Variants in FGF14 observed in about 807,000 individuals in gnomAD.
The protein encoded by FGF14 is fibroblast growth factor 14.
FGF14 carries 5 observed loss-of-function variants against 25.5 expected under a neutral mutation model. The observed-to-expected ratio is 0.20, with a 90% confidence interval of 0.10 to 0.41. FGF14 has a LOEUF of 0.41. Ranked by LOEUF, FGF14 falls within the 10% of genes least tolerant of loss-of-function variation. FGF14 has a pLI of 1.00. For missense variants in FGF14, 222 were observed against 320.1 expected (o/e 0.69, Z 2.34); for synonymous variants, 138 against 118.3 (o/e 1.17, Z -1.08).
rs535208983 is a variant in FGF14 at position 101,718,804 on chromosome 13, T to C, written c.*4027A>G. On this transcript the variant is annotated 3_prime_UTR_variant, in exon 5 of 5. Transcript: ENST00000376143. ...AGGAAAAAAAAAAAAAACTAAAATA[T>C]AACTCAGCCTTAGTTTGCAGACTCA... 1.5e-3 allele frequency: 232 copies of C among 151,358 alleles called. 1 individual carries two copies. Among genetic ancestry groups the C allele is most frequent in the African/African-American group, 5.5e-3 (226 of 41,222 alleles). The allele number at this position is 151,358 out of a possible 1,614,324, so 9.4% of individuals were successfully genotyped here. A position where few individuals can be genotyped will look rare whatever the true frequency, so the allele number is the denominator to read the frequency against.
rs539528356 is a variant in FGF14 at position 102,160,748 on chromosome 13, C to T, written c.208+240723G>A. 4.6e-3 allele frequency among the ~76,000 whole-genome samples: 702 copies of T among 152,040 alleles called. 4 individuals are homozygous for T. The highest frequency in any genetic ancestry group is 8.5e-3 in the Non-Finnish European group (581 of 67,986). ...CCTAGAATAGGATAAAGGAGAATTC[C>T]AGAGATAGTAGGGCTTGGAGAAGAA... On this transcript the variant is annotated intron_variant, in intron 1 of 4. Coordinates refer to the FGF14 transcript ENST00000376131.
intron 1 of FGF14, among the ~76,000 whole-genome samples, chr13:102,391,135 G>A (rs952222364): frequency 1.3e-5 from 2 of 152,186 alleles, no homozygotes; most frequent in Non-Finnish European, 2.9e-5. Context: ...TGAAGAGTAA[G>A]TTGATGACAA....
At chr13:101,911,946 T>C (rs937770900) in intron 1 of FGF14, among the ~76,000 whole-genome samples, 2 of 151,714 alleles carry the variant, frequency 1.3e-5, no homozygotes, top group African/African-American at 4.8e-5. Flanking sequence ...CAAACAAGCA[T>C]GTGGTCTTTG....
At chr13:102,288,015 C>T (rs569583825) in intron 1 of FGF14, among the ~76,000 whole-genome samples, 21 of 152,308 alleles carry the variant, frequency 1.4e-4, no homozygotes, top group African/African-American at 4.1e-4. Context: ...GCATTTGCAT[C>T]AGAGAATAAA....
chr13:101,804,785 T>C (rs763296020), intron 3 of FGF14, among the ~76,000 whole-genome samples: 8 of 152,162 alleles, frequency 5.3e-5, no homozygotes, highest in Non-Finnish European at 1.2e-4. Flanking sequence ...AGATTATCTT[T>C]TGTTTTACTT....
chr13:101,886,485 T>C (rs1019248849), intron 1 of FGF14, among the ~76,000 whole-genome samples: 1 of 152,102 alleles, frequency 6.6e-6, no homozygotes, highest in Non-Finnish European at 1.5e-5. Flanking sequence ...GAAGACTGGA[T>C]ATCCATATGC....
chr13:101,731,309 G>A (rs982673909), intron 3 of FGF14, among the ~76,000 whole-genome samples: 7 of 152,040 alleles, frequency 4.6e-5, no homozygotes, highest in African/African-American at 1.4e-4. Context: ...AAACGAGATC[G>A]ATAAGGAGTT....
At chr13:101,724,927 GTGAAATACCAAGTA>G (rs2035307845) in intron 4 of FGF14, among the ~76,000 whole-genome samples, 1 of 151,608 alleles carries the variant, frequency 6.6e-6, no homozygotes, top group Non-Finnish European at 1.5e-5. Flanking sequence ...AAATACATGA[GTGAAATACCAAGTA>G]TCATTCTATA....
At chr13:102,025,016 CAT>C (rs144976455) in intron 1 of FGF14, among the ~76,000 whole-genome samples, 8,638 of 150,388 alleles carry the variant, frequency 0.057, 782 homozygotes, top group African/African-American at 0.2. Context: ...CACAGACATG[CAT>C]ATATATATAT....
chr13:102,008,413 C>G (rs1368503598), intron 1 of FGF14, among the ~76,000 whole-genome samples: 1 of 152,202 alleles, frequency 6.6e-6, no homozygotes, highest in East Asian at 1.9e-4. Context: ...CTCAACAGTG[C>G]TATTCTGCAC....
chr13:102,131,097 G>A lies in FGF14; in HGVS notation c.209-255801C>T, dbSNP rs79507064. ...TTAAAAGCAAAATTCTCCAATTGAT[G>A]TGTTTCTGGTGTCCCCTCATAGACA... On this transcript the variant is annotated intron_variant, in intron 1 of 4. Coordinates refer to the FGF14 transcript ENST00000376131. Among the ~76,000 whole-genome samples, 309 of 152,306 alleles carry A rather than the reference G, an allele frequency of 2.0e-3. 2 individuals carry two copies. Among genetic ancestry groups the A allele is most frequent in the Non-Finnish European group, 3.7e-3 (249 of 68,022 alleles).
rs1366953713 is a variant in FGF14, at chr13:101,717,338, G to C, written c.*5493C>G. On this transcript the variant is annotated 3_prime_UTR_variant, in exon 5 of 5. Transcript: ENST00000376143. Reference sequence around the variant, plus strand: ...TATCTCTATCCTGAGATTAAGGAGTGCAACCATGTTGTAGTTCTATTATTG... The same window carrying C: ...TATCTCTATCCTGAGATTAAGGAGTCCAACCATGTTGTAGTTCTATTATTG... 5 of 152,068 alleles carry C rather than the reference G, an allele frequency of 3.3e-5. No individual in the cohort carries two copies. The South Asian group carries it at 1.0e-3, about 31-fold the overall frequency. The allele number at this position is 152,068 out of a possible 1,614,324, so 9.4% of individuals were successfully genotyped here.
intron 1 of FGF14, among the ~76,000 whole-genome samples, chr13:102,386,133 ATTTTTTT>A (rs771550582): frequency 7.2e-6 from 1 of 139,348 alleles, no homozygotes; most frequent in Non-Finnish European, 1.6e-5. Context: ...ATATACAGTA[ATTTTTTT>A]TTTTTTTTTT....
At chr13:101,882,200 A>C (rs909592353) in intron 1 of FGF14, among the ~76,000 whole-genome samples, 1 of 152,160 alleles carries the variant, frequency 6.6e-6, no homozygotes, top group Admixed American at 6.5e-5. Flanking sequence ...AAATTTAAAG[A>C]ATCTGAAGAA....
chr13:102,048,747 C>T (rs951980585), intron 1 of FGF14, among the ~76,000 whole-genome samples: 1 of 152,194 alleles, frequency 6.6e-6, no homozygotes, highest in African/African-American at 2.4e-5. Context: ...CCTTTGGAAA[C>T]TTATAGTAGC....
At chr13:101,999,084 A>T (rs985394798) in intron 1 of FGF14, among the ~76,000 whole-genome samples, 1 of 152,226 alleles carries the variant, frequency 6.6e-6, no homozygotes, top group Non-Finnish European at 1.5e-5. Context: ...GGAGAGGCAG[A>T]CTGGGGCATA....
At chr13:102,167,581 T>C (rs1406598208) in intron 1 of FGF14, among the ~76,000 whole-genome samples, 1 of 152,138 alleles carries the variant, frequency 6.6e-6, no homozygotes, top group Non-Finnish European at 1.5e-5. Context: ...CTAATTTCTG[T>C]GTCTCTATGT....
intron 1 of FGF14, among the ~76,000 whole-genome samples, chr13:102,245,067 C>T (rs2051795966): frequency 6.6e-6 from 1 of 152,094 alleles, no homozygotes; most frequent in South Asian, 2.1e-4. Flanking sequence ...TTTATCACAT[C>T]TTCTTTTCAG....
chr13:101,936,588 G>T (rs1566462555), intron 1 of FGF14, among the ~76,000 whole-genome samples: 1 of 152,146 alleles, frequency 6.6e-6, no homozygotes, highest in Admixed American at 6.5e-5. Flanking sequence ...ATTAGTGCCT[G>T]TTCCAAAAGA....
Sources: gnomAD v4.1 joint callset for allele counts (sites outside exome capture counted in the v4.1 genomes callset) on GRCh38, gnomAD v4.1.1 for gene constraint, MANE v1.5 for transcripts, NCBI Gene and HGNC (gene_info 2026-07-23, HGNC 2026-07-21) for gene names.